MYO6: variants seen among roughly 807,000 people sequenced by gnomAD.
MYO6 encodes myosin VI.
A neutral mutation model predicts 178.7 loss-of-function variants in MYO6; 74 were observed. The ratio of observed to expected loss-of-function variants is 0.41; its 90% CI spans 0.34 to 0.50. MYO6 has a LOEUF of 0.50. MYO6 is among the 20% of genes least tolerant of loss of function. The pLI, the probability that MYO6 is intolerant of heterozygous loss-of-function variation, is 0.09. For missense variants in MYO6, 1,330 were observed against 1,547.4 expected, an observed-to-expected ratio of 0.86 and a Z score of 2.36; for synonymous variants, 477 against 504.6, an observed-to-expected ratio of 0.95 and a Z score of 0.73.
At chr6:75,840,943 T>A (rs1361465267) in intron 8 of MYO6, among the ~76,000 whole-genome samples, 1 of 152,196 alleles carries the variant, frequency 6.6e-6, no homozygotes, top group Non-Finnish European at 1.5e-5. Context: ...TGTGTTGAGG[T>A]ACGGTGCAAG....
At chr6:75,789,580 A>T (rs1476254099) in intron 1 of MYO6, among the ~76,000 whole-genome samples, 5 of 151,012 alleles carry the variant, frequency 3.3e-5, no homozygotes, top group African/African-American at 9.7e-5. Context: ...TTTTTTTGTT[A>T]ACTGCCGCTT....
chr6:75,761,934 CTTT>C (rs530262512), intron 1 of MYO6, among the ~76,000 whole-genome samples: 1 of 139,730 alleles, frequency 7.2e-6, no homozygotes, highest in African/African-American at 2.6e-5. Context: ...TGTAACAGTT[CTTT>C]TTTTTTTTTT....
intron 20 of MYO6, among the ~76,000 whole-genome samples, chr6:75,879,579 A>C (rs187160518): frequency 6.6e-6 from 1 of 152,190 alleles, no homozygotes; most frequent in East Asian, 1.9e-4. Context: ...TCTAGAGACC[A>C]ATAATTTGCC....
At chr6:75,892,505 T>C in intron 27 of MYO6, 25 bp from the exon 28 acceptor site, 6 of 1,613,942 alleles carry the variant, frequency 3.7e-6, no homozygotes, top group Non-Finnish European at 5.1e-6. Context: ...GAACTCTTGG[T>C]GAAATAGCTT....
chr6:75,880,124 A>C lies in MYO6; in HGVS notation c.2286+4A>C. On this transcript the variant is annotated splice_donor_region_variant and intron_variant, in intron 22 of 34. Coordinates refer to ENST00000369977, the MANE Select transcript of MYO6 (RefSeq NM_004999.4). ...AGTATTTTTTAGACCTGGCAAGGTA[A>C]ATATACATTTTTTACTTTAAACTGT... 1.3e-6 allele frequency: 2 copies of C among 1,597,796 alleles called. No homozygotes were observed. Among genetic ancestry groups the C allele is most frequent in the Middle Eastern group, 2.3e-4 (1 of 4,416 alleles).
In MYO6 at chr6:75,838,886, TC is replaced by T. The variant is rs1435427802; in HGVS notation, c.554-1697del. On this transcript the variant is annotated intron_variant, in intron 7 of 34. Transcript: ENST00000369977. ...CATGTTGGTCAGGCTGATCTCAAACTCCTGACCCCATGATCCGCCCACCTCG... is the reference window on the plus strand; with the variant it reads ...CATGTTGGTCAGGCTGATCTCAAACTCTGACCCCATGATCCGCCCACCTCG... Among the ~76,000 whole-genome samples, 4 of 151,994 alleles carry T rather than the reference TC, an allele frequency of 2.6e-5. No individual in the cohort carries two copies. The East Asian group carries it at 7.8e-4, about 30-fold the overall frequency.
intron 6 of MYO6, among the ~76,000 whole-genome samples, chr6:75,835,019 A>G (rs892817433): frequency 3.3e-5 from 5 of 152,196 alleles, no homozygotes; most frequent in African/African-American, 1.2e-4. Flanking sequence ...ATTGCTCTTT[A>G]TTTTGAAATG....
At chr6:75,785,849 A>C (rs891007062) in intron 1 of MYO6, among the ~76,000 whole-genome samples, 2 of 151,990 alleles carry the variant, frequency 1.3e-5, no homozygotes, top group South Asian at 4.2e-4. Context: ...ATCTTTCCCC[A>C]TTATCTGCAT....
chr6:75,784,545 G>C (rs972023926), intron 1 of MYO6, among the ~76,000 whole-genome samples: 1 of 151,638 alleles, frequency 6.6e-6, no homozygotes, highest in East Asian at 2.0e-4. Context: ...AGGCCGAGGT[G>C]GGCAGATCAC....
chr6:75,851,251 G>A (rs2038625), intron 11 of MYO6, among the ~76,000 whole-genome samples: 112,157 of 152,088 alleles, frequency 0.74, 43,885 homozygotes, highest in Middle Eastern at 0.87. Context: ...TGCTATTTGC[G>A]TTATCTCTTA....
At chr6:75,912,640 G>A (rs1332524101) in intron 33 of MYO6, among the ~76,000 whole-genome samples, 1 of 152,070 alleles carries the variant, frequency 6.6e-6, no homozygotes, top group Non-Finnish European at 1.5e-5. Flanking sequence ...TAAATTTCCT[G>A]TAAACTGGAC....
In MYO6 at chr6:75,919,387, G is replaced by A. The variant is rs997246241; in HGVS notation, c.*4375G>A. On this transcript the variant is annotated 3_prime_UTR_variant, in exon 35 of 35. Transcript: ENST00000369977. ...TCACCTTTAAATCACAGGCTTATTA[G>A]TTGGGTGTTTTCTTTTTACTTATGA... The A allele has an allele frequency of 3.3e-5, 5 of 152,462 alleles. No individual in the cohort carries two copies. The East Asian group carries it at 9.6e-4, about 29-fold the overall frequency. The allele number at this position is 152,462 out of a possible 1,614,324, so 9.4% of individuals were successfully genotyped here. A position where few individuals can be genotyped will look rare whatever the true frequency, so the allele number is the denominator to read the frequency against.
chr6:75,805,019 A>ATTTTTTTTTT (rs1285917454), intron 1 of MYO6, among the ~76,000 whole-genome samples: 21 of 61,340 alleles, frequency 3.4e-4, no homozygotes, highest in African/African-American at 2.2e-3. Flanking sequence ...ATATATATAT[A>ATTTTTTTTTT]TATTTTTTTT....
chr6:75,901,526 G>A (rs9350603), intron 30 of MYO6, among the ~76,000 whole-genome samples: 13,991 of 152,038 alleles, frequency 0.092, 848 homozygotes, highest in East Asian at 0.3. Flanking sequence ...CTCTCTGTTT[G>A]TCTGTTATTG....
intron 4 of MYO6, 80 bp from the exon 5 acceptor site, chr6:75,830,336 T>A: frequency 7.2e-7 from 1 of 1,395,456 alleles, no homozygotes; most frequent in South Asian, 1.2e-5. Flanking sequence ...TTTTTGTATT[T>A]TATTTTTTCT....
At chr6:75,759,916 T>C (rs1402270641) in intron 1 of MYO6, among the ~76,000 whole-genome samples, 1 of 152,230 alleles carries the variant, frequency 6.6e-6, no homozygotes, top group Non-Finnish European at 1.5e-5. Context: ...TATACTTTGC[T>C]GAGGTTTTCT....
chr6:75,765,720 C>G (rs964388618), intron 1 of MYO6, among the ~76,000 whole-genome samples: 4 of 151,798 alleles, frequency 2.6e-5, no homozygotes, highest in African/African-American at 4.8e-5. Context: ...TGCACTGATA[C>G]AGCAAGAACT....
chr6:75,809,942 G>A (rs1770522911), intron 1 of MYO6, among the ~76,000 whole-genome samples: 1 of 151,482 alleles, frequency 6.6e-6, no homozygotes, highest in African/African-American at 2.4e-5. Context: ...AAATTAGCTG[G>A]GCGTTGTGGC....
chr6:75,826,422 C>T (rs1212441099), intron 3 of MYO6, among the ~76,000 whole-genome samples: 1 of 152,096 alleles, frequency 6.6e-6, no homozygotes, highest in African/African-American at 2.4e-5. Flanking sequence ...GTAGTAATTC[C>T]CATGTCTGTG....
Sources: gnomAD v4.1 joint callset for allele counts (sites outside exome capture counted in the v4.1 genomes callset) on GRCh38, gnomAD v4.1.1 for gene constraint, MANE v1.5 for transcripts, NCBI Gene and HGNC (gene_info 2026-07-23, HGNC 2026-07-21) for gene names.